The following DLG2 variants were observed in gnomAD, a reference collection of about 807,000 sequenced individuals.
DLG2 encodes disks large homolog 2.
In DLG2, 45 loss-of-function variants were observed where a neutral mutation model predicts 132.5. The observed-to-expected ratio is 0.34, with a 90% CI of 0.27 to 0.44. DLG2 has a LOEUF of 0.44. DLG2 is among the 20% of genes least tolerant of loss of function. The pLI is 1.00. For missense variants in DLG2, 1,045 were observed against 1,196.9 expected, an observed-to-expected ratio of 0.87 and a Z score of 1.87; for synonymous variants, 424 against 419.6, an observed-to-expected ratio of 1.01 and a Z score of -0.13.
At chr11:83,738,829 A>G (rs1308169135) in intron 18 of DLG2, among the ~76,000 whole-genome samples, 2 of 152,050 alleles carry the variant, frequency 1.3e-5, no homozygotes, top group Non-Finnish European at 2.9e-5. Flanking sequence ...CATCTGGACC[A>G]TGAAAGTAAC....
chr11:85,333,265 G>T (rs2081897403), intron 3 of DLG2, among the ~76,000 whole-genome samples: 1 of 152,114 alleles, frequency 6.6e-6, no homozygotes, highest in Non-Finnish European at 1.5e-5. Context: ...ATATAGAAAT[G>T]CTACTAATTC....
intron 6 of DLG2, among the ~76,000 whole-genome samples, chr11:84,660,379 C>T (rs147174095): frequency 3.6e-4 from 55 of 152,250 alleles, no homozygotes; most frequent in African/African-American, 1.3e-3. Context: ...TCACTGGGTA[C>T]CCTGACACTT....
intron 11 of DLG2, among the ~76,000 whole-genome samples, chr11:84,039,932 T>A (rs1284191419): frequency 6.8e-6 from 1 of 147,628 alleles, no homozygotes; most frequent in Non-Finnish European, 1.5e-5. Context: ...TGAGATGGTA[T>A]CTCATTGTGG....
intron 15 of DLG2, among the ~76,000 whole-genome samples, chr11:83,881,802 T>C (rs2066338958): frequency 6.6e-6 from 1 of 152,230 alleles, no homozygotes; most frequent in Non-Finnish European, 1.5e-5. Flanking sequence ...AATCTGTTTA[T>C]TCTTATTGCA....
At chr11:84,034,478 T>G (rs968498001) in intron 11 of DLG2, among the ~76,000 whole-genome samples, 4 of 152,144 alleles carry the variant, frequency 2.6e-5, no homozygotes, top group Non-Finnish European at 5.9e-5. Flanking sequence ...TATATAAATT[T>G]TTTCAAAAAT....
At chr11:85,569,749 G>A (rs1291940474) in intron 3 of DLG2, among the ~76,000 whole-genome samples, 1 of 152,154 alleles carries the variant, frequency 6.6e-6, no homozygotes, top group African/African-American at 2.4e-5. Flanking sequence ...GAGAAAAGGG[G>A]AAGCTTATAT....
chr11:83,586,002 A>G (rs1593820561), intron 19 of DLG2, among the ~76,000 whole-genome samples: 1 of 152,380 alleles, frequency 6.6e-6, no homozygotes. Flanking sequence ...ACCTTCTCCT[A>G]GTGAAACCAG....
chr11:85,031,751 G>A (rs373197580), intron 6 of DLG2, among the ~76,000 whole-genome samples: 8 of 151,830 alleles, frequency 5.3e-5, no homozygotes, highest in African/African-American at 1.2e-4. Context: ...GTTAACTTCC[G>A]AGAGCTACTT....
intron 16 of DLG2, among the ~76,000 whole-genome samples, chr11:83,855,138 A>G (rs1380322173): frequency 6.6e-6 from 1 of 152,218 alleles, no homozygotes; most frequent in Non-Finnish European, 1.5e-5. Context: ...CTACACGCCC[A>G]TTGAAATGGT....
intron 18 of DLG2, among the ~76,000 whole-genome samples, chr11:83,777,095 C>G (rs2094611053): frequency 6.6e-6 from 1 of 152,128 alleles, no homozygotes; most frequent in Non-Finnish European, 1.5e-5. Flanking sequence ...ATGTCACTCA[C>G]TGGAATAATT....
At position 84,761,702 on chromosome 11, in the gene DLG2, G is replaced by T. The variant is rs118177227; in HGVS notation, c.358-226971C>A. ...ACCAGTGGTTTGCCAGGGGCTCTCAGGCCTTCTACTACAGACTGAAGGCTG... is the reference window on the plus strand; with the variant it reads ...ACCAGTGGTTTGCCAGGGGCTCTCATGCCTTCTACTACAGACTGAAGGCTG... On this transcript the variant is annotated intron_variant, in intron 6 of 27. Transcript: ENST00000376104. Among the ~76,000 whole-genome samples the T allele has an allele frequency of 6.4e-3, 969 of 152,254 alleles. 7 individuals carry two copies. The highest frequency in any genetic ancestry group is 0.014 in the Admixed American group (207 of 15,290).
chr11:84,272,937 G>A (rs1223973986), intron 7 of DLG2, among the ~76,000 whole-genome samples: 5 of 152,036 alleles, frequency 3.3e-5, no homozygotes, highest in Non-Finnish European at 7.4e-5. Flanking sequence ...TTGGACCACT[G>A]TTTATTCTTT....
At chr11:83,933,564 C>T (rs548987257) in intron 14 of DLG2, among the ~76,000 whole-genome samples, 2 of 152,354 alleles carry the variant, frequency 1.3e-5, no homozygotes, top group East Asian at 1.9e-4. Flanking sequence ...TCTCTTTTCT[C>T]TGAACTCCAT....
chr11:84,826,150 G>A (rs2078303954), intron 6 of DLG2, among the ~76,000 whole-genome samples: 1 of 151,808 alleles, frequency 6.6e-6, no homozygotes, highest in African/African-American at 2.4e-5. Context: ...ATCATATTAG[G>A]TTAAATACGG....
At chr11:85,128,555 G>C (rs186969522) in intron 5 of DLG2, among the ~76,000 whole-genome samples, 16 of 152,180 alleles carry the variant, frequency 1.1e-4, no homozygotes, top group African/African-American at 3.9e-4. Context: ...TTCCTAAGCA[G>C]TAAAAGAAAA....
At chr11:85,223,796 G>A (rs1325508144) in intron 4 of DLG2, among the ~76,000 whole-genome samples, 1 of 152,128 alleles carries the variant, frequency 6.6e-6, no homozygotes, top group Non-Finnish European at 1.5e-5. Flanking sequence ...ATTAGGGTAA[G>A]GGTGAGAATT....
intron 6 of DLG2, among the ~76,000 whole-genome samples, chr11:84,969,947 C>T (rs74529164): frequency 8.5e-5 from 13 of 152,068 alleles, no homozygotes; most frequent in Non-Finnish European, 1.6e-4. Context: ...TGTTTTCACT[C>T]GTAAGTGGGA....
At chr11:85,540,441 T>G (rs1382802317) in intron 3 of DLG2, among the ~76,000 whole-genome samples, 1 of 152,156 alleles carries the variant, frequency 6.6e-6, no homozygotes, top group Non-Finnish European at 1.5e-5. Context: ...TCAGAGGAGA[T>G]GCCTGCCGCT....
intron 3 of DLG2, among the ~76,000 whole-genome samples, chr11:85,577,030 G>C (rs767988952): frequency 3.3e-5 from 5 of 152,080 alleles, no homozygotes; most frequent in African/African-American, 1.2e-4. Flanking sequence ...GTAGGCAATG[G>C]GGGGCATGTT....
Sources: gnomAD v4.1 joint callset for allele counts (sites outside exome capture counted in the v4.1 genomes callset) on GRCh38, gnomAD v4.1.1 for gene constraint, MANE v1.5 for transcripts, NCBI Gene and HGNC (gene_info 2026-07-23, HGNC 2026-07-21) for gene names.